The following CPVL variants were observed in gnomAD, a reference collection of about 807,000 sequenced individuals.
The protein encoded by CPVL is carboxypeptidase vitellogenic like.
In CPVL, 51 loss-of-function variants were observed where a neutral mutation model predicts 63.7. The ratio of observed to expected loss-of-function variants is 0.80; its 90% CI spans 0.64 to 1.01. The LOEUF (loss-of-function observed/expected upper bound fraction) is 1.01. Among genes scored for constraint, CPVL ranks in the 50% least tolerant of loss-of-function variants. CPVL has a pLI of 0.00. For synonymous variants in CPVL, 195 were observed against 206.0 expected (o/e 0.95, Z 0.46); for missense variants, 530 against 573.1 (o/e 0.92, Z 0.77).
intron 2 of CPVL, among the ~76,000 whole-genome samples, chr7:29,114,277 T>C (rs1788545024): frequency 1.3e-5 from 2 of 152,164 alleles, no homozygotes; most frequent in South Asian, 4.1e-4. Flanking sequence ...TTACATGATG[T>C]GGGAAGTATA....
intron 12 of CPVL, among the ~76,000 whole-genome samples, chr7:29,013,677 T>C (rs1022638067): frequency 6.6e-6 from 1 of 152,228 alleles, no homozygotes; most frequent in African/African-American, 2.4e-5. Flanking sequence ...ATTATCTGGG[T>C]GGCCTTTGTG....
At chr7:29,154,926 G>A (rs946905719) in intron 5 of CPVL, among the ~76,000 whole-genome samples, 15 of 152,230 alleles carry the variant, frequency 9.9e-5, no homozygotes, top group Non-Finnish European at 1.8e-4. Context: ...GTTCCATGTG[G>A]CTGGGGAAGC....
intron 7 of CPVL, among the ~76,000 whole-genome samples, chr7:29,075,956 G>GTTTTTTTTTTTTTTT (rs1554335832): frequency 9.1e-6 from 1 of 110,336 alleles, no homozygotes; most frequent in Non-Finnish European, 1.7e-5. Flanking sequence ...TGTTGAGATA[G>GTTTTTTTTTTTTTTT]TTTTTTTTTT....
At chr7:29,103,354 T>C (rs1428145068) in intron 3 of CPVL, among the ~76,000 whole-genome samples, 1 of 151,266 alleles carries the variant, frequency 6.6e-6, no homozygotes, top group Non-Finnish European at 1.5e-5. Context: ...CAAGTGATTA[T>C]CCTGCCTCAG....
intron 11 of CPVL, among the ~76,000 whole-genome samples, chr7:29,056,445 A>G (rs1562744716): frequency 6.6e-6 from 1 of 152,186 alleles, no homozygotes; most frequent in Non-Finnish European, 1.5e-5. Flanking sequence ...TACAGTACGT[A>G]GCCTTTTCAG....
intron 1 of CPVL, chr7:29,194,805 A>G: frequency 1.5e-6 from 1 of 656,344 alleles, no homozygotes; most frequent in South Asian, 3.7e-5. Flanking sequence ...CAGAGTCCGG[A>G]GGCTGGTGCT....
At chr7:29,155,884 G>A (rs529057568) in intron 5 of CPVL, among the ~76,000 whole-genome samples, 23 of 152,232 alleles carry the variant, frequency 1.5e-4, no homozygotes, top group Admixed American at 3.9e-4. Flanking sequence ...ACATCGGAGC[G>A]TCCTGTCAGG....
intron 11 of CPVL, among the ~76,000 whole-genome samples, chr7:29,053,856 C>G (rs1181964699): frequency 3.5e-5 from 5 of 143,602 alleles, no homozygotes; most frequent in African/African-American, 1.3e-4. Context: ...AGTTTGACAC[C>G]AGCCTGGGCA....
upstream of CPVL, among the ~76,000 whole-genome samples, chr7:29,151,097 CA>C (rs1206812859): frequency 6.6e-6 from 1 of 152,178 alleles, no homozygotes; most frequent in East Asian, 1.9e-4. Context: ...ATGCCCTGAT[CA>C]ACTTATTGAA....
At chr7:29,125,543 C>T (rs745363137) in intron 1 of CPVL, among the ~76,000 whole-genome samples, 1 of 152,080 alleles carries the variant, frequency 6.6e-6, no homozygotes, top group Non-Finnish European at 1.5e-5. Flanking sequence ...CAGGCACCCA[C>T]CACTACACCT....
intron 5 of CPVL, among the ~76,000 whole-genome samples, chr7:29,180,131 C>T (rs759777489): frequency 1.4e-4 from 22 of 152,096 alleles, no homozygotes; most frequent in Non-Finnish European, 2.6e-4. Context: ...AATCTGTTCC[C>T]CAATAGTTTT....
intron 11 of CPVL, among the ~76,000 whole-genome samples, chr7:29,032,857 C>T (rs1788162697): frequency 6.6e-6 from 1 of 152,096 alleles, no homozygotes; most frequent in African/African-American, 2.4e-5. Flanking sequence ...AGCAAAGTCC[C>T]CATGTTACAG....
At chr7:29,112,047 T>C (rs980805948) in intron 3 of CPVL, among the ~76,000 whole-genome samples, 2 of 152,160 alleles carry the variant, frequency 1.3e-5, no homozygotes, top group Non-Finnish European at 2.9e-5. Flanking sequence ...GTGAACTACA[T>C]AGGATTGGTG....
At chr7:29,132,994 T>A (rs1436922560) in intron 1 of CPVL, among the ~76,000 whole-genome samples, 1 of 152,126 alleles carries the variant, frequency 6.6e-6, no homozygotes, top group Non-Finnish European at 1.5e-5. Flanking sequence ...ACATCTCAGA[T>A]CAAACCAGCC....
At chr7:29,092,132 G>C (rs1785875913) in intron 6 of CPVL, among the ~76,000 whole-genome samples, 1 of 149,022 alleles carries the variant, frequency 6.7e-6, no homozygotes, top group African/African-American at 2.5e-5. Context: ...AAAAAAGGGA[G>C]AAATTATATG....
At chr7:29,145,912 A>G (rs1418435797) in intron 1 of CPVL, 1 of 152,164 alleles carries the variant, frequency 6.6e-6, no homozygotes, top group Non-Finnish European at 1.5e-5. Context: ...CATTCCAAGA[A>G]TAAAAGTCTT....
intron 11 of CPVL, among the ~76,000 whole-genome samples, chr7:29,046,161 T>C (rs1431588619): frequency 2.0e-5 from 3 of 150,614 alleles, no homozygotes; most frequent in Non-Finnish European, 2.9e-5. Context: ...CGCGGCTCAC[T>C]GCAACTTCCA....
intron 5 of CPVL, among the ~76,000 whole-genome samples, chr7:29,180,603 T>C (rs978802773): frequency 6.6e-6 from 1 of 151,986 alleles, no homozygotes; most frequent in East Asian, 1.9e-4. Flanking sequence ...TAAATCAAAT[T>C]AAGGCAAATG....
At chr7:29,124,860 A>T (rs1324936353) in intron 1 of CPVL, 1 of 152,088 alleles carries the variant, frequency 6.6e-6, no homozygotes, top group Admixed American at 6.5e-5. Flanking sequence ...TTTTTAAAAA[A>T]ACAAAGTGAA....
Sources: gnomAD v4.1 joint callset for allele counts (sites outside exome capture counted in the v4.1 genomes callset) on GRCh38, gnomAD v4.1.1 for gene constraint, MANE v1.5 for transcripts, NCBI Gene and HGNC (gene_info 2026-07-23, HGNC 2026-07-21) for gene names.